The following IKBKB variants were observed in gnomAD, a reference collection of about 807,000 sequenced individuals.
IKBKB encodes the protein inhibitor of nuclear factor kappa-B kinase subunit beta.
In IKBKB, 42 loss-of-function variants were observed where a neutral mutation model predicts 113.6. The ratio of observed to expected loss-of-function variants is 0.37; its 90% confidence interval spans 0.29 to 0.48. The LOEUF is 0.48. Ranked by LOEUF, IKBKB falls within the 20% of genes least tolerant of loss-of-function variation. The probability of loss-of-function intolerance (pLI) is 0.99; values close to 1 mark genes in which losing one functional copy is unlikely to be tolerated. For synonymous variants in IKBKB, 296 were observed against 361.3 expected (o/e 0.82, Z 2.05); for missense variants, 673 against 939.7 (o/e 0.72, Z 3.71).
intron 5 of IKBKB, among the ~76,000 whole-genome samples, chr8:42,299,205 G>A (rs554347927): frequency 3.5e-4 from 53 of 152,294 alleles, no homozygotes; most frequent in African/African-American, 1.3e-3. Context: ...AAGTGTCCGT[G>A]TCGAACCTGG....
At chr8:42,319,230 C>T (rs1015433982) in intron 13 of IKBKB, 40 bp from the exon 14 acceptor site, 2 of 1,599,328 alleles carry the variant, frequency 1.3e-6, no homozygotes, top group Non-Finnish European at 8.6e-7. Context: ...GAATTTGGAT[C>T]CCAGAGATGC....
chr8:42,284,018 G>A (rs1810884217), intron 2 of IKBKB, among the ~76,000 whole-genome samples: 1 of 152,202 alleles, frequency 6.6e-6, no homozygotes, highest in African/African-American at 2.4e-5. Flanking sequence ...CGTTCCCCAC[G>A]TCTGAGCTCC....
chr8:42,304,814 A>C (rs1816179486), intron 5 of IKBKB, among the ~76,000 whole-genome samples: 1 of 152,182 alleles, frequency 6.6e-6, no homozygotes, highest in African/African-American at 2.4e-5. Flanking sequence ...TCACCTGGAG[A>C]GTTTGTTAAC....
chr8:42,276,842 C>T (rs1276437545), intron 2 of IKBKB, among the ~76,000 whole-genome samples: 4 of 149,766 alleles, frequency 2.7e-5, no homozygotes, highest in Non-Finnish European at 4.4e-5. Context: ...TTACAGGCAG[C>T]GCCATCACAC....
intron 3 of IKBKB, among the ~76,000 whole-genome samples, chr8:42,289,209 C>T (rs935847953): frequency 6.6e-6 from 1 of 151,960 alleles, no homozygotes; most frequent in Non-Finnish European, 1.5e-5. Context: ...AGCGAGACTC[C>T]GTCTAAAAAA....
intron 2 of IKBKB, among the ~76,000 whole-genome samples, chr8:42,272,927 G>A (rs1339989452): frequency 1.5e-5 from 2 of 131,666 alleles, no homozygotes; most frequent in African/African-American, 6.4e-5. Context: ...GTAACAGAGT[G>A]AGACTCCGTC....
chr8:42,302,779 C>G (rs542522018), intron 5 of IKBKB, among the ~76,000 whole-genome samples: 1 of 148,334 alleles, frequency 6.7e-6, no homozygotes, highest in East Asian at 2.0e-4. Context: ...AAAAAAAAAA[C>G]TGATCCCAAG....
intron 2 of IKBKB, among the ~76,000 whole-genome samples, chr8:42,286,344 A>G (rs1438061019): frequency 6.6e-6 from 1 of 151,648 alleles, no homozygotes; most frequent in Non-Finnish European, 1.5e-5. Context: ...GGAGGTTTCC[A>G]TTTTTCCTTT....
intron 2 of IKBKB, among the ~76,000 whole-genome samples, chr8:42,276,190 G>C (rs1196000930): frequency 6.6e-6 from 1 of 152,118 alleles, no homozygotes; most frequent in African/African-American, 2.4e-5. Flanking sequence ...TAATGGCTGT[G>C]CTAATTTACA....
Position 42,322,703 on chromosome 8 carries a change from G to A in IKBKB, c.1986+209G>A, listed in dbSNP as rs141545680. Among the ~76,000 whole-genome samples, 79 of 152,308 alleles carry A rather than the reference G, an allele frequency of 5.2e-4. No individual in the cohort carries two copies. The East Asian group carries it at 0.015, about 28-fold the overall frequency. On this transcript the variant is annotated intron_variant, in intron 19 of 21. Transcript: ENST00000520810. ...GTGCTAATTGTTTTCATTCATCTGTGTATTACTTTCGTGTGGCTACTGTAA... is the reference window on the plus strand; with the variant it reads ...GTGCTAATTGTTTTCATTCATCTGTATATTACTTTCGTGTGGCTACTGTAA...
chr8:42,319,780 C>G, intron 15 of IKBKB, 134 bp downstream of exon 15: 1 of 756,224 alleles, frequency 1.3e-6, no homozygotes, highest in South Asian at 2.0e-5. Flanking sequence ...TTGAGCTTAA[C>G]TGGACCAGCT....
chr8:42,312,011 C>T (rs540723292), intron 8 of IKBKB, among the ~76,000 whole-genome samples: 122 of 152,218 alleles, frequency 8.0e-4, no homozygotes, highest in Middle Eastern at 3.4e-3. Context: ...CTCAGCCTCC[C>T]GAGTAGCTGG....
At chr8:42,302,545 G>GAA (rs1815432657) in intron 5 of IKBKB, among the ~76,000 whole-genome samples, 2 of 152,222 alleles carry the variant, frequency 1.3e-5, no homozygotes, top group South Asian at 4.1e-4. Flanking sequence ...AAATCTGAAG[G>GAA]TTTTTGTACA....
In IKBKB at chr8:42,316,211, G is replaced by A; in HGVS notation, c.802G>A (p.Val268Ile). The change falls in exon 10 of 22, where the codon GTC becomes ATC. Residue 268 changes from valine to isoleucine, a missense_variant and splice_region_variant. Coordinates refer to ENST00000520810, the MANE Select transcript of IKBKB (RefSeq NM_001556.3). The surrounding 1 kb of genome is among the most constrained non-coding windows in gnomAD (Gnocchi z 4.5). The stretch of plus-strand genomic sequence containing the variant: ...CACACACTATGCTCCTCTCCACAGT[G>A]TCCTGGCTGAGCGACTGGAGAAGTG... ...SLPYPNNLNSVLAERLEKWLQ... is the reference protein window; with the variant it reads ...SLPYPNNLNSILAERLEKWLQ... 2.5e-6 allele frequency: 4 copies of A among 1,614,056 alleles called. No homozygotes were observed. The highest frequency in any genetic ancestry group is 1.1e-5 in the South Asian group (1 of 91,072).
chr8:42,275,810 G>C (rs1808961918), intron 2 of IKBKB, among the ~76,000 whole-genome samples: 1 of 151,990 alleles, frequency 6.6e-6, no homozygotes, highest in Non-Finnish European at 1.5e-5. Flanking sequence ...CCCAGTAGTG[G>C]GATTGCTGGA....
Position 42,317,769 on chromosome 8 carries a change from T to C in IKBKB, c.1238T>C (p.Ile413Thr). Residue 413 changes from isoleucine to threonine, a missense_variant and splice_region_variant, in exon 12 of 22, where the codon ATC becomes ACC. Transcript: ENST00000520810. Reference sequence around the variant, plus strand: ...CCCCAACCTGAAAGTGTCAGCTGTATCCGTAAGAATTTGTTATGTTTTGTT... The same window carrying C: ...CCCCAACCTGAAAGTGTCAGCTGTACCCGTAAGAATTTGTTATGTTTTGTT... ...PRPQPESVSC[I>T]LQEPKRNLAF... The C allele has an allele frequency of 6.3e-7, 1 of 1,597,878 alleles. No individual in the cohort carries two copies. Among genetic ancestry groups the C allele is most frequent in the Non-Finnish European group, 8.6e-7 (1 of 1,165,190 alleles).
At chr8:42,284,063 G>A (rs1810897393) in intron 2 of IKBKB, among the ~76,000 whole-genome samples, 1 of 152,214 alleles carries the variant, frequency 6.6e-6, no homozygotes, top group East Asian at 1.9e-4. Context: ...GCAAGTGTCT[G>A]TAGCAGTGTC....
chr8:42,289,480 C>T (rs1812118642), intron 3 of IKBKB, among the ~76,000 whole-genome samples: 1 of 152,204 alleles, frequency 6.6e-6, no homozygotes, highest in Non-Finnish European at 1.5e-5. Context: ...TCTCTGCTGT[C>T]ATGCTGTCGC....
intron 20 of IKBKB, among the ~76,000 whole-genome samples, chr8:42,327,821 T>TTTTTTTTTTTTTTTTA (rs1563374181): frequency 7.7e-5 from 1 of 12,984 alleles, no homozygotes; most frequent in African/African-American, 9.0e-5. Context: ...TTTTTTTTTT[T>TTTTTTTTTTTTTTTTA]GAGACGGAGT....
Sources: gnomAD v4.1 joint callset for allele counts (sites outside exome capture counted in the v4.1 genomes callset) on GRCh38, gnomAD v4.1.1 for gene constraint, Gnocchi (gnomAD v3.1) non-coding constraint, MANE v1.5 for transcripts, NCBI Gene and HGNC (gene_info 2026-07-23, HGNC 2026-07-21) for gene names.